Variants in MTUS1 observed in about 807,000 individuals in gnomAD.
The protein encoded by MTUS1 is microtubule associated scaffold protein 1, also known as microtubule-associated tumor suppressor 1.
In MTUS1, 109 loss-of-function variants were observed where a neutral mutation model predicts 120.8. That is an observed-to-expected ratio of 0.90 (90% CI 0.77 to 1.06). The LOEUF (loss-of-function observed/expected upper bound fraction) is 1.06. Ranked by LOEUF, MTUS1 falls within the 50% of genes least tolerant of loss-of-function variation. MTUS1 has a pLI of 0.00. For synonymous variants in MTUS1, 737 were observed against 550.5 expected (o/e 1.34, Z -4.74); for missense variants, 2,210 against 1,486.3 (o/e 1.49, Z -8.01).
intron 8 of MTUS1, among the ~76,000 whole-genome samples, chr8:17,666,172 T>C (rs1185271583): frequency 1.3e-5 from 2 of 148,626 alleles, no homozygotes; most frequent in African/African-American, 5.0e-5. Flanking sequence ...TAAAAGTGGG[T>C]TGGAGGCGAG....
chr8:17,722,622 T>C (rs2045925859), intron 4 of MTUS1: 3 of 957,200 alleles, frequency 3.1e-6, no homozygotes, highest in Non-Finnish European at 3.7e-6. Context: ...ATGTGCTCAT[T>C]AATTCGGTCA....
intron 6 of MTUS1, among the ~76,000 whole-genome samples, chr8:17,706,448 T>G (rs397794): frequency 0.11 from 16,703 of 152,204 alleles, 1,695 homozygotes; most frequent in African/African-American, 0.27. Flanking sequence ...TGAGATAATG[T>G]AATTTCTTTA....
At chr8:17,685,874 G>C (rs551650425) in intron 6 of MTUS1, among the ~76,000 whole-genome samples, 2 of 151,972 alleles carry the variant, frequency 1.3e-5, no homozygotes, top group African/African-American at 4.8e-5. Context: ...GCAATTATTA[G>C]TAGTAGCTTA....
chr8:17,743,944 T>G, intron 2 of MTUS1, 145 bp from the exon 3 acceptor site: 1 of 631,058 alleles, frequency 1.6e-6, no homozygotes, highest in South Asian at 2.1e-5. Context: ...AGGTCAGACA[T>G]GCCTCATTAT....
chr8:17,684,433 T>G lies in MTUS1; in HGVS notation c.2733A>C (p.Lys911Asn). 6.2e-7 allele frequency: 1 copy of G among 1,614,204 alleles called. No individual in the cohort carries two copies. Among genetic ancestry groups the G allele is most frequent in the Non-Finnish European group, 8.5e-7 (1 of 1,180,020 alleles). Residue 911 changes from lysine to asparagine, a missense_variant, in exon 7 of 15, where the codon AAA becomes AAC. By Grantham distance (94) the Lys-to-Asn change is moderately conservative. Transcript: ENST00000693296. ...GGATAAATCCACTTTGGTTTTCACA[T>G]TTTGTTTTATATTGCGTCAATTCAA... Reference protein sequence around the residue: ...KTLELTQYKTKCENQSGFILQ... With the variant: ...KTLELTQYKTNCENQSGFILQ...
chr8:17,737,547 G>C (rs573342277), intron 3 of MTUS1, among the ~76,000 whole-genome samples: 1 of 152,172 alleles, frequency 6.6e-6, no homozygotes, highest in Non-Finnish European at 1.5e-5. Context: ...GAAGTGCAGT[G>C]GTACAATTAT....
chr8:17,751,020 T>G (rs2048146546), intron 2 of MTUS1, among the ~76,000 whole-genome samples: 1 of 152,060 alleles, frequency 6.6e-6, no homozygotes. Context: ...AAAGCAACAG[T>G]AAAAATTAAC....
chr8:17,695,248 G>C (rs182848256), intron 6 of MTUS1, among the ~76,000 whole-genome samples: 1 of 152,274 alleles, frequency 6.6e-6, no homozygotes, highest in East Asian at 1.9e-4. Context: ...CACACAAAAC[G>C]CTTCCTCCAT....
chr8:17,780,220 C>T (rs568478890), intron 1 of MTUS1, among the ~76,000 whole-genome samples: 5 of 152,280 alleles, frequency 3.3e-5, no homozygotes, highest in East Asian at 3.9e-4. Flanking sequence ...GTACCTCCCC[C>T]GTCCCCTTGC....
chr8:17,775,060 G>A (rs913691031), intron 1 of MTUS1, among the ~76,000 whole-genome samples: 3 of 150,046 alleles, frequency 2.0e-5, no homozygotes, highest in African/African-American at 7.4e-5. Context: ...AATGAATAGA[G>A]ACAGAAAGTC....
At chr8:17,687,128 G>C (rs1229662860) in intron 6 of MTUS1, among the ~76,000 whole-genome samples, 1 of 152,132 alleles carries the variant, frequency 6.6e-6, no homozygotes, top group African/African-American at 2.4e-5. Flanking sequence ...TCGTCTAAGA[G>C]TACGTGTCTT....
chr8:17,702,445 GAAC>G (rs1238697006), intron 6 of MTUS1, among the ~76,000 whole-genome samples: 3 of 151,960 alleles, frequency 2.0e-5, no homozygotes, highest in African/African-American at 7.3e-5. Flanking sequence ...AATTTTAAAA[GAAC>G]AATATAATAT....
chr8:17,692,528 C>CATT (rs1458868458), intron 6 of MTUS1, among the ~76,000 whole-genome samples: 1 of 152,096 alleles, frequency 6.6e-6, no homozygotes, highest in African/African-American at 2.4e-5. Flanking sequence ...AAAGTGAATA[C>CATT]CAAATGCGAG....
At position 17,746,391 on chromosome 8, in the gene MTUS1, C is replaced by T. The variant is rs190106684; in HGVS notation, c.2092-2592G>A. 4.2e-3 allele frequency among the ~76,000 whole-genome samples: 639 copies of T among 152,252 alleles called. 3 individuals are homozygous for T. Among genetic ancestry groups the T allele is most frequent in the South Asian group, 0.019 (92 of 4,828 alleles). On this transcript the variant is annotated intron_variant, in intron 2 of 14. Transcript: ENST00000693296. ...TTTTCACAACGCTGATAAAGTCACA[C>T]CTGAGACTGGGTAATTTATAAAGAA...
chr8:17,738,182 C>G (rs551608365), intron 3 of MTUS1, among the ~76,000 whole-genome samples: 9 of 152,284 alleles, frequency 5.9e-5, no homozygotes, highest in African/African-American at 2.2e-4. Flanking sequence ...AACCAAAAAC[C>G]ATCTCTTTCA....
chr8:17,648,802 T>G (rs1391827703), intron 13 of MTUS1, among the ~76,000 whole-genome samples: 1 of 152,162 alleles, frequency 6.6e-6, no homozygotes, highest in Non-Finnish European at 1.5e-5. Flanking sequence ...GAAGCCTGAG[T>G]CACTCATCAC....
intron 6 of MTUS1, among the ~76,000 whole-genome samples, chr8:17,706,526 A>C (rs1430096927): frequency 6.6e-6 from 1 of 152,218 alleles, no homozygotes; most frequent in Non-Finnish European, 1.5e-5. Flanking sequence ...AAAAAATTTA[A>C]AAATAATATC....
chr8:17,760,296 A>G (rs957429308), intron 1 of MTUS1, among the ~76,000 whole-genome samples: 2 of 152,156 alleles, frequency 1.3e-5, no homozygotes, highest in African/African-American at 4.8e-5. Context: ...GTGTTCATAA[A>G]TACTTAAGGA....
rs146975574 is a variant in MTUS1, at chr8:17,677,445, G to A, written c.2839-2193C>T. On this transcript the variant is annotated intron_variant, in intron 7 of 14. Transcript: ENST00000693296. Reference sequence around the variant, plus strand: ...TACTAACAGAAGGAAGAGATGGCAAGAAAATTCAATCATTTTTCAAATTTA... The same window carrying A: ...TACTAACAGAAGGAAGAGATGGCAAAAAAATTCAATCATTTTTCAAATTTA... 3.1e-3 allele frequency among the ~76,000 whole-genome samples: 474 copies of A among 152,162 alleles called. 2 individuals are homozygous for A. The highest frequency in any genetic ancestry group is 3.7e-3 in the Non-Finnish European group (253 of 67,990).
Sources: allele counts gnomAD v4.1 joint callset (sites outside exome capture counted in the v4.1 genomes callset), GRCh38; gene constraint gnomAD v4.1.1; transcripts MANE v1.5; gene names NCBI Gene and HGNC (gene_info 2026-07-23, HGNC 2026-07-21).